Variants in CHLSN observed in about 807,000 individuals in gnomAD.
The protein encoded by CHLSN is protein cholesin.
the CHLSN span, among the ~76,000 whole-genome samples, chr7:1,120,298 C>T: frequency 5.3e-5 from 8 of 152,036 alleles, no homozygotes. Flanking sequence ...CTTTTTTGTT[C>T]AACATTTTGG....
chr7:1,001,861 T>C, the CHLSN span, among the ~76,000 whole-genome samples: 3 of 52,424 alleles, frequency 5.7e-5, no homozygotes, highest in African/African-American at 8.6e-5. Flanking sequence ...GTGAGTGGAG[T>C]CCTGTGGGTG....
At chr7:1,122,621 C>T in the CHLSN span, among the ~76,000 whole-genome samples, 1 of 152,228 alleles carries the variant, frequency 6.6e-6, no homozygotes, top group Non-Finnish European at 1.5e-5. Flanking sequence ...GGCAGCAGGC[C>T]TGGCTCAGCC....
At chr7:1,021,377 T>C in the CHLSN span, 15 of 985,292 alleles carry the variant, frequency 1.5e-5, no homozygotes, top group Non-Finnish European at 1.7e-5. Context: ...AGAGATGATA[T>C]TGCGGATTTC....
the CHLSN span, among the ~76,000 whole-genome samples, chr7:1,069,250 G>C: frequency 6.6e-6 from 1 of 152,186 alleles, no homozygotes; most frequent in Non-Finnish European, 1.5e-5. Flanking sequence ...AGAATCGCTT[G>C]AACCTGGGAG....
chr7:1,029,428 ATT>A, the CHLSN span, among the ~76,000 whole-genome samples: 1 of 152,052 alleles, frequency 6.6e-6, no homozygotes, highest in Admixed American at 6.6e-5. Context: ...GCCCAGCCTA[ATT>A]TTTAATTTTT....
chr7:1,055,717 C>T, the CHLSN span, among the ~76,000 whole-genome samples: 19 of 152,080 alleles, frequency 1.2e-4, no homozygotes, highest in East Asian at 7.7e-4. Flanking sequence ...GGTGGCCGGC[C>T]GGGTGTGCCC....
the CHLSN span, among the ~76,000 whole-genome samples, chr7:1,042,863 C>T: frequency 6.6e-6 from 1 of 152,150 alleles, no homozygotes; most frequent in Non-Finnish European, 1.5e-5. Context: ...GTCCCAAACC[C>T]TGATCTAAAA....
At chr7:1,028,237 GC>G in the CHLSN span, 1 of 1,089,120 alleles carries the variant, frequency 9.2e-7, no homozygotes, top group Non-Finnish European at 1.1e-6. Context: ...CCGAATGCGG[GC>G]CCTGGCCCCG....
the CHLSN span, among the ~76,000 whole-genome samples, chr7:1,112,454 CT>C: frequency 1.3e-5 from 2 of 152,320 alleles, no homozygotes; most frequent in South Asian, 4.1e-4. Flanking sequence ...CAAAAGGCTC[CT>C]GGAGAAAGAG....
At chr7:1,025,743 C>T in the CHLSN span, 7 of 152,256 alleles carry the variant, frequency 4.6e-5, no homozygotes, top group African/African-American at 1.7e-4. Context: ...TGAGGGCTGG[C>T]GTTTCTTGCT....
chr7:1,076,684 A>G, the CHLSN span, among the ~76,000 whole-genome samples: 1 of 152,140 alleles, frequency 6.6e-6, no homozygotes, highest in East Asian at 1.9e-4. Flanking sequence ...AATGTCCAAG[A>G]TCTTTTCCTC....
At chr7:980,939 C>T in the CHLSN span, among the ~76,000 whole-genome samples, 1 of 151,890 alleles carries the variant, frequency 6.6e-6, no homozygotes, top group East Asian at 1.9e-4. Context: ...GTGATCCGCC[C>T]ACCTCAGCCT....
chr7:1,092,428 T>G, the CHLSN span: 1 of 1,608,888 alleles, frequency 6.2e-7, no homozygotes, highest in African/African-American at 1.3e-5. Context: ...CGGCCTGTGC[T>G]ACTCCCTCAT....
At chr7:1,100,010 C>T in the CHLSN span, among the ~76,000 whole-genome samples, 1 of 152,208 alleles carries the variant, frequency 6.6e-6, no homozygotes, top group African/African-American at 2.4e-5. Flanking sequence ...GGATAATCCA[C>T]TTCTCATTTA....
At chr7:1,062,931 C>T in the CHLSN span, among the ~76,000 whole-genome samples, 1 of 152,170 alleles carries the variant, frequency 6.6e-6, no homozygotes, top group Non-Finnish European at 1.5e-5. Flanking sequence ...ACCTAAACAC[C>T]CTATTCCTAA....
At chr7:1,050,186 T>C in the CHLSN span, among the ~76,000 whole-genome samples, 1 of 152,206 alleles carries the variant, frequency 6.6e-6, no homozygotes. Context: ...ACCCTGTCCT[T>C]TCCCAGCCTG....
At chr7:1,101,431 G>C in the CHLSN span, among the ~76,000 whole-genome samples, 59 of 152,356 alleles carry the variant, frequency 3.9e-4, no homozygotes, top group African/African-American at 1.4e-3. Flanking sequence ...CGTCGGACCA[G>C]GGGCTGGCTC....
At chr7:1,118,864 T>TA in the CHLSN span, among the ~76,000 whole-genome samples, 266 of 148,078 alleles carry the variant, frequency 1.8e-3, no homozygotes, top group Non-Finnish European at 2.5e-3. Flanking sequence ...TATTTTTTTT[T>TA]AAAAAAACTA....
the CHLSN span, among the ~76,000 whole-genome samples, chr7:981,231 G>A: frequency 1.3e-5 from 2 of 151,342 alleles, no homozygotes; most frequent in South Asian, 4.2e-4. Context: ...GGGCGATGGA[G>A]GTTGCAGTGA....
Sources: gnomAD v4.1 joint callset for allele counts (sites outside exome capture counted in the v4.1 genomes callset) on GRCh38, gnomAD v4.1.1 for gene constraint, MANE v1.5 for transcripts, NCBI Gene and HGNC (gene_info 2026-07-23, HGNC 2026-07-21) for gene names.